Variants in ST3GAL3 observed in about 807,000 individuals in gnomAD.
The protein encoded by ST3GAL3 is ST3 beta-galactoside alpha-2,3-sialyltransferase 3.
ST3GAL3 carries 21 observed loss-of-function variants against 50.1 expected under a neutral mutation model. That is an observed-to-expected ratio of 0.42 (90% CI 0.30 to 0.60). The LOEUF is 0.60. ST3GAL3 is among the 20% of genes least tolerant of loss of function. ST3GAL3 has a pLI of 0.19. For missense variants in ST3GAL3, 353 were observed against 489.4 expected, an observed-to-expected ratio of 0.72 and a Z score of 2.63; for synonymous variants, 183 against 190.0, an observed-to-expected ratio of 0.96 and a Z score of 0.30.
intron 4 of ST3GAL3, among the ~76,000 whole-genome samples, 174 bp from the exon 5 acceptor site, chr1:43,838,045 G>T (rs1402313112): frequency 1.4e-5 from 2 of 145,430 alleles, no homozygotes; most frequent in African/African-American, 5.2e-5. Flanking sequence ...AACCCGGGAG[G>T]CGGAGCTTGC....
intron 2 of ST3GAL3, 162 bp downstream of exon 2, chr1:43,736,542 T>C: frequency 8.0e-7 from 1 of 1,252,012 alleles, no homozygotes; most frequent in Non-Finnish European, 1.2e-6. Context: ...TTAGCTGGTA[T>C]AGGCTGAGAA....
chr1:43,853,672 C>T (rs1281376800), intron 5 of ST3GAL3, among the ~76,000 whole-genome samples: 1 of 152,210 alleles, frequency 6.6e-6, no homozygotes, highest in African/African-American at 2.4e-5. Context: ...AAAACCACAC[C>T]TCTCTTGAGA....
intron 1 of ST3GAL3, among the ~76,000 whole-genome samples, chr1:43,735,135 T>C (rs1457761578): frequency 1.3e-5 from 2 of 152,152 alleles, no homozygotes; most frequent in African/African-American, 2.4e-5. Context: ...ACCGCTAGGC[T>C]GTAAGGAGCA....
At chr1:43,731,245 C>G (rs937095060) in intron 1 of ST3GAL3, among the ~76,000 whole-genome samples, 5 of 152,094 alleles carry the variant, frequency 3.3e-5, no homozygotes, top group African/African-American at 1.2e-4. Context: ...GAGTCTCGCT[C>G]TGTCGCCCAG....
chr1:43,924,361 C>T (rs112370138), intron 11 of ST3GAL3, among the ~76,000 whole-genome samples: 4,833 of 152,330 alleles, frequency 0.032, 96 homozygotes, highest in Non-Finnish European at 0.049. Flanking sequence ...AGCCTCCTGG[C>T]TTCTACGTTT....
At position 43,744,914 on chromosome 1, in the gene ST3GAL3, T is replaced by A. The variant is rs141259680; in HGVS notation, c.118+8534T>A. ...GCTGAGGCCTGAGAATCGCTTGAAC[T>A]CGGGAGACAGAGGTTGCAGTGAGCC... On this transcript the variant is annotated intron_variant, in intron 2 of 11. Transcript: ENST00000347631. Among the ~76,000 whole-genome samples the A allele has an allele frequency of 9.6e-3, 1,431 of 149,528 alleles. 11 individuals are homozygous for A. Among genetic ancestry groups the A allele is most frequent in the Middle Eastern group, 0.018 (5 of 282 alleles).
intron 9 of ST3GAL3, among the ~76,000 whole-genome samples, chr1:43,905,182 T>C (rs369536595): frequency 4.5e-3 from 155 of 34,592 alleles, no homozygotes; most frequent in East Asian, 0.011. Context: ...TCCTCCTGTT[T>C]CTCTTCCTGC....
In ST3GAL3 at chr1:43,880,795, C is replaced by T. The variant is rs184075618; in HGVS notation, c.303-13588C>T. On this transcript the variant is annotated intron_variant, in intron 5 of 11. Coordinates refer to ENST00000347631, the MANE Select transcript of ST3GAL3 (RefSeq NM_006279.5). ...ATTACCAGAAGCAATGCGGTTAATA[C>T]GAACGAGGATATAAATAGTGCCCAT... Among the ~76,000 whole-genome samples, 429 of 152,236 alleles carry T rather than the reference C, an allele frequency of 2.8e-3. 2 individuals carry two copies. Among genetic ancestry groups the T allele is most frequent in the African/African-American group, 9.9e-3 (413 of 41,540 alleles).
rs150509112 is a variant in ST3GAL3, at chr1:43,783,940, G to A, written c.119-8162G>A. Among the ~76,000 whole-genome samples, 716 of 152,216 alleles carry A rather than the reference G, an allele frequency of 4.7e-3. 8 individuals are homozygous for A. The highest frequency in any genetic ancestry group is 0.031 in the Admixed American group (478 of 15,296). On this transcript the variant is annotated intron_variant, in intron 2 of 11. Transcript: ENST00000347631. ...ACTTTTTAAAAATAGTCTTTGATGT[G>A]TCAAAGCCTTTTTATGAAGGTCTAA... is the stretch of plus-strand genomic sequence containing the variant.
intron 3 of ST3GAL3, among the ~76,000 whole-genome samples, chr1:43,806,760 G>C (rs979594087): frequency 3.9e-5 from 6 of 152,174 alleles, no homozygotes; most frequent in Admixed American, 3.3e-4. Context: ...TGCAGTCATG[G>C]CTCACTGTAG....
intron 5 of ST3GAL3, chr1:43,894,177 C>T (rs934122273): frequency 9.6e-6 from 6 of 622,774 alleles, no homozygotes; most frequent in Non-Finnish European, 1.8e-5. Flanking sequence ...ACTGACCAGG[C>T]CTACTCCCTC....
chr1:43,923,711 G>A (rs1027768027), intron 11 of ST3GAL3, among the ~76,000 whole-genome samples: 2 of 152,160 alleles, frequency 1.3e-5, no homozygotes, highest in Non-Finnish European at 1.5e-5. Context: ...AAACCCCTGG[G>A]CTCAAGTGAT....
intron 1 of ST3GAL3, among the ~76,000 whole-genome samples, chr1:43,719,988 A>G (rs72884957): frequency 0.014 from 2,140 of 151,586 alleles, 54 homozygotes; most frequent in African/African-American, 0.05. Context: ...TCACACCTAT[A>G]ATCCCACCAG....
At chr1:43,728,922 CTT>C (rs1198082292) in intron 1 of ST3GAL3, among the ~76,000 whole-genome samples, 5 of 152,064 alleles carry the variant, frequency 3.3e-5, no homozygotes, top group African/African-American at 9.7e-5. Context: ...CAGAGTCTCT[CTT>C]TGTCGCCCAG....
At chr1:43,858,683 C>T (rs2069122902) in intron 5 of ST3GAL3, among the ~76,000 whole-genome samples, 1 of 152,208 alleles carries the variant, frequency 6.6e-6, no homozygotes, top group Admixed American at 6.5e-5. Flanking sequence ...GCTCCACCCA[C>T]ACAAGTCCCA....
intron 9 of ST3GAL3, chr1:43,913,350 A>C (rs918596480): frequency 5.3e-5 from 8 of 152,192 alleles, no homozygotes; most frequent in Admixed American, 1.3e-4. Context: ...CCTTACAGCT[A>C]TCTGGGAAGT....
chr1:43,788,240 A>C (rs971086984), intron 2 of ST3GAL3, among the ~76,000 whole-genome samples: 1 of 152,182 alleles, frequency 6.6e-6, no homozygotes, highest in Non-Finnish European at 1.5e-5. Context: ...TTTTCTGTAC[A>C]TGTCATTTGA....
At chr1:43,904,780 GCCACTCTTCCTC>G (rs2078895327) in intron 9 of ST3GAL3, among the ~76,000 whole-genome samples, 1 of 122,352 alleles carries the variant, frequency 8.2e-6, no homozygotes, top group Non-Finnish European at 1.6e-5. Context: ...TCCTCTTCCT[GCCACTCTTCCTC>G]CCCCTCCTCC....
intron 5 of ST3GAL3, among the ~76,000 whole-genome samples, chr1:43,848,468 G>C (rs1315469932): frequency 6.6e-6 from 1 of 151,594 alleles, no homozygotes; most frequent in East Asian, 1.9e-4. Context: ...ACCACACCTG[G>C]CTAATTTTGT....
Sources: gnomAD v4.1 joint callset for allele counts (sites outside exome capture counted in the v4.1 genomes callset) on GRCh38, gnomAD v4.1.1 for gene constraint, MANE v1.5 for transcripts, NCBI Gene and HGNC (gene_info 2026-07-23, HGNC 2026-07-21) for gene names.